Variants in BYSL observed in about 807,000 individuals in gnomAD.
BYSL encodes the protein bystin like, also known as bystin.
A neutral mutation model predicts 45.4 loss-of-function variants in BYSL; 21 were observed. That is an observed-to-expected ratio of 0.46 (90% CI 0.33 to 0.67). The LOEUF is 0.67. Ranked by LOEUF, BYSL falls within the 30% of genes least tolerant of loss-of-function variation. The probability of loss-of-function intolerance (pLI) is 0.02; values close to 1 mark genes in which losing one functional copy is unlikely to be tolerated. For missense variants in BYSL, 522 were observed against 578.5 expected, an observed-to-expected ratio of 0.90 and a Z score of 1.00; for synonymous variants, 215 against 231.3, an observed-to-expected ratio of 0.93 and a Z score of 0.64.
chr6:41,916,946 A>G (rs1245028904), upstream of BYSL: 4 of 1,613,866 alleles, frequency 2.5e-6, no homozygotes, highest in East Asian at 2.2e-5. Flanking sequence ...CACACTGGAA[A>G]GGAGAGCACC....
At position 41,932,488 on chromosome 6, in the gene BYSL, G is replaced by A; in HGVS notation, c.1096G>A (p.Gly366Arg). ...VLDALVFHFL[G>R]FRTEKRELPV... is the part of the protein sequence containing the mutation. ...GGATGCCCTAGTCTTCCACTTCCTGGGGTTCCGGACAGAGAAGCGTGAACT... is the reference window on the plus strand; with the variant it reads ...GGATGCCCTAGTCTTCCACTTCCTGAGGTTCCGGACAGAGAAGCGTGAACT... Residue 366 changes from glycine (G) to arginine (R), a missense_variant, in exon 7 of 7, where the codon GGG (glycine) becomes AGG (arginine). Gly to Arg is a moderately radical substitution (Grantham distance 125). Coordinates refer to ENST00000230340, the MANE Select transcript of BYSL (RefSeq NM_004053.4). The surrounding 1 kb of genome is among the most constrained non-coding windows in gnomAD (Gnocchi z 4.7). 6.2e-7 allele frequency: 1 copy of A among 1,614,162 alleles called. No homozygotes were observed. The highest frequency in any genetic ancestry group is 1.3e-5 in the African/African-American group (1 of 75,038).
At chr6:41,920,318 A>T (rs1298379380), upstream of BYSL, among the ~76,000 whole-genome samples, 2 of 152,194 alleles carry the variant, frequency 1.3e-5, no homozygotes, top group Non-Finnish European at 1.5e-5. Context: ...TTAGAAACAG[A>T]CACAAGCGGG....
upstream of BYSL, among the ~76,000 whole-genome samples, chr6:41,919,495 C>T (rs2127382220): frequency 6.6e-6 from 1 of 152,212 alleles, no homozygotes; most frequent in Non-Finnish European, 1.5e-5. Flanking sequence ...CACTGATAAA[C>T]GATGTTGCTA....
At chr6:41,916,877 C>T (rs145617243), upstream of BYSL, 6 of 1,614,070 alleles carry the variant, frequency 3.7e-6, no homozygotes, top group East Asian at 4.5e-5. Context: ...CTCCAATTTC[C>T]GGGTAAGGAG....
chr6:41,908,897 T>C, the BYSL span: 1 of 290,612 alleles, frequency 3.4e-6, no homozygotes, highest in African/African-American at 2.2e-5. Flanking sequence ...AATTGAGGAC[T>C]GGAGGCCAGG....
upstream of BYSL, chr6:41,921,494 C>T (rs567623262): frequency 8.0e-6 from 12 of 1,491,190 alleles, no homozygotes; most frequent in African/African-American, 5.7e-5. Context: ...GGGAGTCCAC[C>T]GCGCAAGCGC....
Position 41,931,475 on chromosome 6 carries a change from G to A in BYSL, c.784G>A (p.Val262Ile), listed in dbSNP as rs143381928. ...LVLLPRVRDD[V>I]AEYKRLNFHL... ...CCTGCTCCCTCGAGTACGAGATGAC[G>A]TTGCTGAATACAAACGACTCAACTT... The change falls in exon 5 of 7, where the codon GTT (valine) becomes ATT (isoleucine). Residue 262 changes from valine (V) to isoleucine (I), a missense_variant. Transcript: ENST00000230340. 36 of 1,613,888 alleles carry A rather than the reference G, an allele frequency of 2.2e-5. 1 individual carries two copies. The East Asian group carries it at 3.8e-4, about 17-fold the overall frequency.
upstream of BYSL, chr6:41,920,799 C>A (rs893319529): frequency 2.1e-5 from 11 of 513,928 alleles, no homozygotes; most frequent in Admixed American, 1.2e-4. Flanking sequence ...AAAAAAAAAA[C>A]CTTTGCTTTC....
intron 2 of BYSL, among the ~76,000 whole-genome samples, chr6:41,929,294 G>A (rs1214187916): frequency 6.6e-6 from 1 of 152,164 alleles, no homozygotes; most frequent in Non-Finnish European, 1.5e-5. Context: ...GCCCAGGAGT[G>A]TGAGACCAGC....
At chr6:41,908,867 T>C in the BYSL span, 2 of 226,338 alleles carry the variant, frequency 8.8e-6, no homozygotes, top group African/African-American at 4.5e-5. Context: ...AGGGATCAGG[T>C]AGGCATAAAT....
chr6:41,917,915 C>A (rs577293289), upstream of BYSL: 31 of 338,460 alleles, frequency 9.2e-5, no homozygotes, highest in African/African-American at 6.5e-4. Context: ...TATTCAACAG[C>A]CCTAGGAACA....
At chr6:41,923,162 GTCTC>G (rs368767105) in intron 1 of BYSL, among the ~76,000 whole-genome samples, 4 of 149,204 alleles carry the variant, frequency 2.7e-5, no homozygotes, top group Admixed American at 1.3e-4. Context: ...TTGAGACAGA[GTCTC>G]TCTCTCTCTC....
chr6:41,921,445 T>G, upstream of BYSL: 1 of 1,392,558 alleles, frequency 7.2e-7, no homozygotes, highest in Non-Finnish European at 9.5e-7. Flanking sequence ...CTCCGAATGC[T>G]AGGGGGCGCT....
chr6:41,931,390 C>G lies in BYSL; in HGVS notation c.705-6C>G, dbSNP rs776127461. 1 of 1,614,136 alleles carries G rather than the reference C, an allele frequency of 6.2e-7. No homozygotes were observed. Among genetic ancestry groups the G allele is most frequent in the Non-Finnish European group, 8.5e-7 (1 of 1,179,980 alleles). On this transcript the variant is annotated splice_polypyrimidine_tract_variant and splice_region_variant and intron_variant, in intron 4 of 6. Transcript: ENST00000230340. Reference sequence around the variant, plus strand: ...TTGGAAACTTCCCCCGCTTAACTCCCACTAGGATTTTTGCCTCTAACCTGA... The same window carrying G: ...TTGGAAACTTCCCCCGCTTAACTCCGACTAGGATTTTTGCCTCTAACCTGA...
At chr6:41,930,459 G>A (rs899991493) in intron 3 of BYSL, 176 bp from the exon 4 acceptor site, 31 of 1,206,958 alleles carry the variant, frequency 2.6e-5, no homozygotes, top group Middle Eastern at 4.4e-4. Context: ...TCCTTGGGTC[G>A]GTTACTGGAA....
At chr6:41,928,746 A>G (rs1221888240) in intron 2 of BYSL, among the ~76,000 whole-genome samples, 1 of 152,200 alleles carries the variant, frequency 6.6e-6, no homozygotes, top group Non-Finnish European at 1.5e-5. Flanking sequence ...CAAGACTTCC[A>G]AAAACCTGAG....
intron 1 of BYSL, 122 bp downstream of exon 1, chr6:41,921,952 AAAG>A: frequency 7.3e-7 from 1 of 1,365,208 alleles, no homozygotes; most frequent in Non-Finnish European, 9.7e-7. Context: ...TTACACTTGC[AAAG>A]GAGACTGAAC....
the BYSL span, among the ~76,000 whole-genome samples, chr6:41,914,485 A>G: frequency 3.9e-5 from 6 of 152,242 alleles, no homozygotes; most frequent in Non-Finnish European, 7.3e-5. Context: ...CTACAGGTAC[A>G]CAGTTAGAAT....
At chr6:41,917,000 T>C (rs935492806), upstream of BYSL, 97 of 1,587,482 alleles carry the variant, frequency 6.1e-5, no homozygotes, top group Non-Finnish European at 8.0e-5. Flanking sequence ...CACTGAGCCA[T>C]TCACTCGCCC....
Sources: allele counts gnomAD v4.1 joint callset (sites outside exome capture counted in the v4.1 genomes callset), GRCh38; gene constraint gnomAD v4.1.1; non-coding constraint Gnocchi (gnomAD v3.1); transcripts MANE v1.5; gene names NCBI Gene and HGNC (gene_info 2026-07-23, HGNC 2026-07-21).